LANCL2: variants seen among roughly 807,000 people sequenced by gnomAD.
The protein encoded by LANCL2 is lanC-like protein 2.
A neutral mutation model predicts 56.9 loss-of-function variants in LANCL2; 33 were observed. The ratio of observed to expected loss-of-function variants is 0.58; its 90% CI spans 0.44 to 0.78. The LOEUF (loss-of-function observed/expected upper bound fraction) is 0.78, where lower values mean the gene tolerates loss of function less well. Among genes scored for constraint, LANCL2 ranks in the 30% least tolerant of loss-of-function variants. LANCL2 has a pLI of 0.00. For missense variants in LANCL2, 562 were observed against 580.2 expected (o/e 0.97, Z 0.32); for synonymous variants, 233 against 228.2 (o/e 1.02, Z -0.19).
intron 6 of LANCL2, among the ~76,000 whole-genome samples, chr7:55,418,255 C>T (rs1317483393): frequency 6.6e-6 from 1 of 151,238 alleles, no homozygotes; most frequent in African/African-American, 2.4e-5. Context: ...GATCACGGCT[C>T]ACTGCAGCCT....
At position 55,406,186 on chromosome 7, in the gene LANCL2, T is replaced by G. The variant is rs887758424; in HGVS notation, c.825+4866T>G. ...AAGTGTGTGCCTGCAGACTTGGACT[T>G]CGTGCTCCTTCTTGAGATCCATGTT... is the stretch of plus-strand genomic sequence containing the variant. On this transcript the variant is annotated intron_variant, in intron 5 of 8. Transcript: ENST00000254770. Among the ~76,000 whole-genome samples, 11 of 152,290 alleles carry G rather than the reference T, an allele frequency of 7.2e-5. 1 individual carries two copies. Among genetic ancestry groups the G allele is most frequent in the Admixed American group, 3.3e-4 (5 of 15,300 alleles).
intron 6 of LANCL2, among the ~76,000 whole-genome samples, chr7:55,424,320 A>G (rs571863148): frequency 6.6e-6 from 1 of 152,330 alleles, no homozygotes; most frequent in East Asian, 1.9e-4. Flanking sequence ...GCAGCTGACC[A>G]TATAAACAAC....
intron 5 of LANCL2, among the ~76,000 whole-genome samples, 195 bp downstream of exon 5, chr7:55,401,515 CTTTTTTTTTTT>C (rs58005456): frequency 0.26 from 15,505 of 59,038 alleles, 1,134 homozygotes; most frequent in Middle Eastern, 0.4. Context: ...GGTATGGAGT[CTTTTTTTTTTT>C]TTTTTTTTTT....
chr7:55,421,384 G>T (rs1164161916), intron 6 of LANCL2, among the ~76,000 whole-genome samples: 1 of 146,640 alleles, frequency 6.8e-6, no homozygotes, highest in Non-Finnish European at 1.5e-5. Flanking sequence ...TGTCACCCAG[G>T]CTGGAGTGCA....
At chr7:55,431,146 G>T (rs1790722550) in intron 8 of LANCL2, 80 bp from the exon 9 acceptor site, 3 of 1,001,262 alleles carry the variant, frequency 3.0e-6, no homozygotes, top group East Asian at 2.6e-5. Flanking sequence ...GCAGCCCCTG[G>T]TAAGGGAAAT....
intron 5 of LANCL2, among the ~76,000 whole-genome samples, chr7:55,402,698 G>C (rs1207194324): frequency 8.0e-6 from 1 of 124,690 alleles, no homozygotes; most frequent in Admixed American, 7.2e-5. Flanking sequence ...CGGGCGGGGG[G>C]CTGACCCCCA....
At chr7:55,396,299 C>CG (rs1335110484) in intron 2 of LANCL2, among the ~76,000 whole-genome samples, 1 of 151,866 alleles carries the variant, frequency 6.6e-6, no homozygotes, top group Non-Finnish European at 1.5e-5. Flanking sequence ...CTCATAGGTT[C>CG]GGGGGAAGGA....
chr7:55,418,431 CG>C (rs1790569871), intron 6 of LANCL2, among the ~76,000 whole-genome samples: 1 of 151,712 alleles, frequency 6.6e-6, no homozygotes, highest in African/African-American at 2.4e-5. Context: ...CTACCCACCT[CG>C]GCCTCCCAAA....
intron 1 of LANCL2, among the ~76,000 whole-genome samples, chr7:55,373,538 T>G (rs1473666379): frequency 6.6e-6 from 1 of 152,096 alleles, no homozygotes; most frequent in Non-Finnish European, 1.5e-5. Flanking sequence ...CAAGCAATTC[T>G]CCTGTCCTGC....
chr7:55,372,586 A>G (rs989301751), intron 1 of LANCL2, among the ~76,000 whole-genome samples: 4 of 152,250 alleles, frequency 2.6e-5, no homozygotes, highest in African/African-American at 9.6e-5. Context: ...AACATTCAGA[A>G]CGGTGCTGAG....
Position 55,366,163 on chromosome 7 carries a change from G to A in LANCL2, c.138G>A (p.Glu46=). The A allele has an allele frequency of 1.3e-6, 2 of 1,559,660 alleles. No homozygotes were observed. The highest frequency in any genetic ancestry group is 2.4e-5 in the East Asian group (1 of 41,752). Residue 46 remains glutamate (E), a synonymous_variant, in exon 1 of 9, where the codon GAG becomes GAA. Transcript: ENST00000254770. The part of the protein sequence containing the change: ...GALLASGAAE[E]TGCVRPPATT... Reference sequence around the variant, plus strand: ...TGCTCGCCTCCGGAGCGGCCGAAGAGACAGGCTGTGTTCGTCCCCCGGCGA... The same window carrying A: ...TGCTCGCCTCCGGAGCGGCCGAAGAAACAGGCTGTGTTCGTCCCCCGGCGA...
At chr7:55,402,604 A>AC (rs1790350238) in intron 5 of LANCL2, among the ~76,000 whole-genome samples, 1 of 86,920 alleles carries the variant, frequency 1.2e-5, no homozygotes, top group South Asian at 4.0e-4. Context: ...GCGGGGGATG[A>AC]CCCCCCCACC....
intron 6 of LANCL2, among the ~76,000 whole-genome samples, chr7:55,423,679 AT>A (rs1408028150): frequency 6.6e-6 from 1 of 152,192 alleles, no homozygotes; most frequent in African/African-American, 2.4e-5. Context: ...ATGTGATCAC[AT>A]TTTAATCTTC....
At chr7:55,380,091 A>C (rs1230355364) in intron 1 of LANCL2, among the ~76,000 whole-genome samples, 4 of 152,256 alleles carry the variant, frequency 2.6e-5, no homozygotes, top group Non-Finnish European at 5.9e-5. Flanking sequence ...CATTTAATGA[A>C]AAGATACAAT....
intron 7 of LANCL2, among the ~76,000 whole-genome samples, chr7:55,426,908 C>G (rs547864282): frequency 1.3e-5 from 2 of 152,064 alleles, no homozygotes; most frequent in Non-Finnish European, 2.9e-5. Flanking sequence ...ATGGGCAATG[C>G]GAGAAGACCG....
Position 55,401,223 on chromosome 7 carries a change from G to C in LANCL2, c.728G>C (p.Arg243Thr), listed in dbSNP as rs749653004. Reference protein sequence around the residue: ...ESGKTLSREERKTERCPLLYQ... With the variant: ...ESGKTLSREETKTERCPLLYQ... ...GGTAAGACTTTGTCAAGGGAAGAAA[G>C]AAAAACGGAGCGCTGCCCGCTGTTG... Residue 243 changes from arginine (R) to threonine (T), a missense_variant, in exon 5 of 9, where the codon AGA becomes ACA. Around this residue, in one of 2 missense-constraint regions of LANCL2, gnomAD observed 378 missense variants for 468.4 expected, o/e 0.81. Transcript: ENST00000254770. 1 of 1,614,082 alleles carries C rather than the reference G, an allele frequency of 6.2e-7. No individual in the cohort carries two copies. Among genetic ancestry groups the C allele is most frequent in the South Asian group, 1.1e-5 (1 of 91,082 alleles).
intron 2 of LANCL2, chr7:55,397,326 T>C (rs1356320853): frequency 2.0e-5 from 3 of 151,984 alleles, no homozygotes; most frequent in African/African-American, 7.3e-5. Flanking sequence ...CCAGGCATGG[T>C]GGCATGTGCC....
At chr7:55,376,648 CA>C (rs1168740244) in intron 1 of LANCL2, among the ~76,000 whole-genome samples, 1 of 152,218 alleles carries the variant, frequency 6.6e-6, no homozygotes, top group Non-Finnish European at 1.5e-5. Flanking sequence ...ATGCCTTCCA[CA>C]AGGGTGAAGT....
At chr7:55,384,284 T>C (rs538476193) in intron 1 of LANCL2, among the ~76,000 whole-genome samples, 111 of 152,338 alleles carry the variant, frequency 7.3e-4, no homozygotes, top group African/African-American at 2.5e-3. Context: ...CCGGGTGCAG[T>C]GGCTCACGCC....
Sources: gnomAD v4.1 joint callset for allele counts (sites outside exome capture counted in the v4.1 genomes callset) on GRCh38, gnomAD v4.1.1 for gene constraint, gnomAD v4.1.1 regional missense constraint, MANE v1.5 for transcripts, NCBI Gene and HGNC (gene_info 2026-07-23, HGNC 2026-07-21) for gene names.